COL6A3: variants seen among roughly 807,000 people sequenced by gnomAD.
COL6A3 encodes the protein collagen alpha-3(VI) chain.
Under a neutral mutation model 274.1 loss-of-function variants are expected in COL6A3, and 137 were observed. The ratio of observed to expected loss-of-function variants is 0.50; its 90% CI spans 0.44 to 0.58. COL6A3 has a LOEUF of 0.58. COL6A3 is among the 20% of genes least tolerant of loss of function. COL6A3 has a pLI of 0.00. For synonymous variants in COL6A3, 1,650 were observed against 1,650.6 expected, an observed-to-expected ratio of 1.00 and a Z score of 0.01; for missense variants, 3,950 against 4,124.9, an observed-to-expected ratio of 0.96 and a Z score of 1.16.
In COL6A3 at chr2:237,339,742, T is replaced by C. The variant is rs144779638; in HGVS notation, c.8465-625A>G. On this transcript the variant is annotated intron_variant, in intron 38 of 43. Transcript: ENST00000295550. ...TGTACTGACCCTGGGCTGCACACTG[T>C]ACACAGGCTCTGGAAACTATAATAG... 3.9e-4 allele frequency among the ~76,000 whole-genome samples: 60 copies of C among 152,324 alleles called. No homozygotes were observed. In the East Asian group the frequency reaches 0.011, roughly 29 times the overall value.
intron 28 of COL6A3, 148 bp downstream of exon 28, chr2:237,349,999 C>T (rs1265871277): frequency 3.7e-5 from 30 of 819,438 alleles, no homozygotes; most frequent in South Asian, 3.0e-4. Context: ...ATTAATTTGC[C>T]GCAGATGAGC....
intron 3 of COL6A3, among the ~76,000 whole-genome samples, chr2:237,390,898 ATT>A (rs2078270850): frequency 1.3e-5 from 2 of 152,268 alleles, no homozygotes; most frequent in South Asian, 4.2e-4. Context: ...AGGTATATTC[ATT>A]TTTTTAAAGA....
At chr2:237,392,333 T>A (rs925395132) in intron 3 of COL6A3, among the ~76,000 whole-genome samples, 1 of 152,244 alleles carries the variant, frequency 6.6e-6, no homozygotes, top group Non-Finnish European at 1.5e-5. Flanking sequence ...ATCCTTGTTA[T>A]GAAAAACTGA....
In COL6A3 at chr2:237,347,762, T is replaced by TA. The variant is rs762524807; in HGVS notation, c.7029+44dup. 2.8e-5 allele frequency: 43 copies of TA among 1,546,496 alleles called. No individual in the cohort carries two copies. The African/African-American group carries it at 5.6e-4, about 20-fold the overall frequency. ...CTCAGCAGTTAATCACATTGAGACA[T>TA]ACGTTCTCATTCCTCACCTGCAGCC... On this transcript the variant is annotated intron_variant, in intron 31 of 43. Transcript: ENST00000295550.
Position 237,334,194 on chromosome 2 carries a change from C to T in COL6A3, c.9229+432G>A, listed in dbSNP as rs113074221. 3.6e-3 allele frequency among the ~76,000 whole-genome samples: 548 copies of T among 152,270 alleles called. 6 individuals are homozygous for T. Among genetic ancestry groups the T allele is most frequent in the African/African-American group, 0.012 (509 of 41,550 alleles). On this transcript the variant is annotated intron_variant, in intron 41 of 43. Coordinates refer to ENST00000295550, the MANE Select transcript of COL6A3 (RefSeq NM_004369.4). Reference sequence around the variant, plus strand: ...CTATCGACATCCTCCACCCCCGGGGCGGTGAGACTTCAGGGACACCTCCAT... The same window carrying T: ...CTATCGACATCCTCCACCCCCGGGGTGGTGAGACTTCAGGGACACCTCCAT...
chr2:237,368,020 G>T lies in COL6A3; in HGVS notation c.4900+543C>A, dbSNP rs997074168. Among the ~76,000 whole-genome samples the T allele has an allele frequency of 6.6e-6, 1 of 152,230 alleles. No homozygotes were observed. The highest frequency in any genetic ancestry group is 1.5e-5 in the Non-Finnish European group (1 of 68,040). Reference sequence around the variant, plus strand: ...AATGGTTTGCTTCAGATGTCTACATGGCGATTACTTGGAGGAGGGACAAAG... The same window carrying T: ...AATGGTTTGCTTCAGATGTCTACATTGCGATTACTTGGAGGAGGGACAAAG... On this transcript the variant is annotated intron_variant, in intron 10 of 43. Coordinates refer to ENST00000295550, the MANE Select transcript of COL6A3 (RefSeq NM_004369.4). This position sits in a 1 kb window ranked among gnomAD's most constrained non-coding sequence, Gnocchi z 4.4.
Position 237,336,505 on chromosome 2 carries a change from A to G in COL6A3, c.8595T>C (p.Ser2865=). The G allele has an allele frequency of 6.2e-7, 1 of 1,614,178 alleles. No homozygotes were observed. The highest frequency in any genetic ancestry group is 1.1e-5 in the South Asian group (1 of 91,078). The stretch of plus-strand genomic sequence containing the variant: ...TTGTCGTCACTGGGTTGGATGTAGG[A>G]CTTGAAGTAACGTTATTCGGAACAT... The part of the protein sequence containing the change: ...QVNVPNNVTS[S]PTSNPVTTTK... Residue 2865 remains serine (S), a synonymous_variant, in exon 40 of 44, where the codon AGT becomes AGC. Coordinates refer to ENST00000295550, the MANE Select transcript of COL6A3 (RefSeq NM_004369.4).
At chr2:237,330,442 C>T (rs977306687) in intron 42 of COL6A3, among the ~76,000 whole-genome samples, 1 of 152,020 alleles carries the variant, frequency 6.6e-6, no homozygotes, top group Non-Finnish European at 1.5e-5. Context: ...TTTTAGATGC[C>T]GAGCAAAGCA....
intron 26 of COL6A3, among the ~76,000 whole-genome samples, chr2:237,351,599 G>A (rs2077207573): frequency 1.3e-5 from 2 of 152,158 alleles, no homozygotes; most frequent in African/African-American, 4.8e-5. Context: ...TGAATAAACT[G>A]ATGGATGAAA....
intron 14 of COL6A3, among the ~76,000 whole-genome samples, chr2:237,362,542 A>C (rs1185665297): frequency 6.6e-6 from 1 of 152,204 alleles, no homozygotes; most frequent in East Asian, 1.9e-4. Context: ...CAGATTTGTG[A>C]GCTAACTCAA....
chr2:237,352,454 C>T (rs1244605550), intron 26 of COL6A3, 68 bp downstream of exon 26: 10 of 1,475,384 alleles, frequency 6.8e-6, no homozygotes, highest in Non-Finnish European at 9.3e-6. Flanking sequence ...CCGAGAAACT[C>T]TCTCAGCCTG....
chr2:237,384,011 T>C (rs1296096820), intron 4 of COL6A3, among the ~76,000 whole-genome samples: 1 of 152,186 alleles, frequency 6.6e-6, no homozygotes, highest in Non-Finnish European at 1.5e-5. Context: ...ATTCAAGTCA[T>C]GGGAGCTCAT....
At chr2:237,346,716 T>G (rs543913035) in intron 31 of COL6A3, 151 bp from the exon 32 acceptor site, 1 of 715,950 alleles carries the variant, frequency 1.4e-6, no homozygotes, top group South Asian at 1.6e-5. Flanking sequence ...AAATGTCTCT[T>G]AAATTCAAGT....
chr2:237,377,279 CA>C lies in COL6A3; in HGVS notation c.2562del (p.Val855SerfsTer14). 6.2e-7 allele frequency: 1 copy of C among 1,605,354 alleles called. No homozygotes were observed. The highest frequency in any genetic ancestry group is 8.5e-7 in the Non-Finnish European group (1 of 1,179,994). On this transcript the variant is annotated frameshift_variant, in exon 7 of 44. Transcript: ENST00000295550. LOFTEE classifies it high-confidence loss of function. Reference sequence around the variant, plus strand: ...ATAATCTTGTAGAGAAAGTCACGGACAACAGGGAACTGGCCCACAAGATTGG... The same window carrying C: ...ATAATCTTGTAGAGAAAGTCACGGACACAGGGAACTGGCCCACAAGATTGG... ...GSANLVGQFP[V>X]VRDFLYKIID... is the part of the protein sequence containing the mutation.
chr2:237,362,179 A>G (rs760649693), intron 14 of COL6A3, among the ~76,000 whole-genome samples: 16 of 152,338 alleles, frequency 1.1e-4, no homozygotes, highest in Non-Finnish European at 1.9e-4. Context: ...TTCCAGTTCC[A>G]AAGTGCAAAG....
intron 23 of COL6A3, 121 bp downstream of exon 23, chr2:237,357,217 G>A: frequency 2.3e-6 from 2 of 874,730 alleles, no homozygotes; most frequent in Non-Finnish European, 4.0e-6. Flanking sequence ...AACCGTTTCA[G>A]AAATCCTTTT....
At position 237,361,023 on chromosome 2, in the gene COL6A3, T is replaced by C. The variant is rs1410596087; in HGVS notation, c.6210+98A>G. 12 of 1,016,192 alleles carry C rather than the reference T, an allele frequency of 1.2e-5. No homozygotes were observed. The highest frequency in any genetic ancestry group is 1.7e-5 in the Non-Finnish European group (11 of 636,902). 62.9% of individuals were successfully genotyped at this position (1,016,192 alleles called of 1,614,324 possible). A position where few individuals can be genotyped will look rare whatever the true frequency, so the allele number is the denominator to read the frequency against. On this transcript the variant is annotated intron_variant, in intron 16 of 43. Transcript: ENST00000295550. The surrounding 1 kb of genome is among the most constrained non-coding windows in gnomAD (Gnocchi z 5.1). ...AATTTTTCTCCCAAAGGGAAAGCCA[T>C]CAGCAACTGAACAAATGATGAAATC...
chr2:237,397,406 G>GGAGAGAAGGAAAGAAAGAAA lies in COL6A3; in HGVS notation c.-30-579_-30-560dup, dbSNP rs918972906. ...GAAAGAAGCAGAAGAAAAACAAAGAGGAGAGAAGGAAAGAAAGAAAGAGAG... is the reference window on the plus strand; with the variant it reads ...GAAAGAAGCAGAAGAAAAACAAAGAGGAGAGAAGGAAAGAAAGAAAGAGAGAAGGAAAGAAAGAAAGAGAG... On this transcript the variant is annotated intron_variant, in intron 1 of 43. Coordinates refer to ENST00000295550, the MANE Select transcript of COL6A3 (RefSeq NM_004369.4). Among the ~76,000 whole-genome samples the GGAGAGAAGGAAAGAAAGAAA allele has an allele frequency of 9.7e-5, 14 of 144,384 alleles. No individual in the cohort carries two copies. The South Asian group carries it at 1.6e-3, about 17-fold the overall frequency. The allele number at this position is 144,384 out of a possible 152,430, so 94.7% of individuals were successfully genotyped here.
Position 237,367,218 on chromosome 2 carries a change from C to T in COL6A3, c.4969G>A (p.Glu1657Lys), listed in dbSNP as rs1194443961. 1 of 1,613,994 alleles carries T rather than the reference C, an allele frequency of 6.2e-7. No individual in the cohort carries two copies. Among genetic ancestry groups the T allele is most frequent in the Non-Finnish European group, 8.5e-7 (1 of 1,179,858 alleles). ...ATTTCAGACACAAAACGAAGCACTT[C>T]CTGGAAACTGTCCCTCCTGAAGTTG... ...SINFRRDSFQ[E>K]VLRFVSEIVD... The change falls in exon 11 of 44, where the codon GAA becomes AAA. Residue 1657 changes from glutamate to lysine, a missense_variant. By Grantham distance (56) the Glu-to-Lys change is moderately conservative. Around this residue, in one of 5 missense-constraint regions of COL6A3, gnomAD observed 632 missense variants for 623.4 expected, o/e 1.01. Transcript: ENST00000295550.
Sources: allele counts gnomAD v4.1 joint callset (sites outside exome capture counted in the v4.1 genomes callset), GRCh38; gene constraint gnomAD v4.1.1; regional missense constraint gnomAD v4.1.1; non-coding constraint Gnocchi (gnomAD v3.1); transcripts MANE v1.5; gene names NCBI Gene and HGNC (gene_info 2026-07-23, HGNC 2026-07-21).